Variants in CCAR1 observed in about 807,000 individuals in gnomAD.
CCAR1 encodes the protein cell division cycle and apoptosis regulator protein 1.
In CCAR1, 78 loss-of-function variants were observed where a neutral mutation model predicts 163.8. The ratio of observed to expected loss-of-function variants is 0.48; its 90% CI spans 0.40 to 0.57. CCAR1 has a LOEUF of 0.57. Ranked by LOEUF, CCAR1 falls within the 20% of genes least tolerant of loss-of-function variation. CCAR1 has a pLI of 0.00. For synonymous variants in CCAR1, 443 were observed against 460.7 expected (o/e 0.96, Z 0.49); for missense variants, 1,019 against 1,365.2 (o/e 0.75, Z 4.00).
chr10:68,766,412 A>G (rs1589179416), intron 17 of CCAR1, among the ~76,000 whole-genome samples: 1 of 152,056 alleles, frequency 6.6e-6, no homozygotes, highest in Admixed American at 6.6e-5. Flanking sequence ...CATGTTGGCC[A>G]GCCTGGTCTC....
chr10:68,757,572 C>T lies in CCAR1; in HGVS notation c.1920+195C>T, dbSNP rs184376445. Among the ~76,000 whole-genome samples, 530 of 151,992 alleles carry T rather than the reference C, an allele frequency of 3.5e-3. 2 individuals are homozygous for T. Among genetic ancestry groups the T allele is most frequent in the Non-Finnish European group, 5.2e-3 (350 of 67,958 alleles). On this transcript the variant is annotated intron_variant, in intron 15 of 24. Transcript: ENST00000265872. Reference sequence around the variant, plus strand: ...TGGGATTACAGGCACCCTGCCACCACGCCTGGCTAATTTTTCTAGTTTTAG... The same window carrying T: ...TGGGATTACAGGCACCCTGCCACCATGCCTGGCTAATTTTTCTAGTTTTAG...
intron 5 of CCAR1, among the ~76,000 whole-genome samples, chr10:68,741,346 A>G (rs1356278050): frequency 6.6e-6 from 1 of 152,184 alleles, no homozygotes; most frequent in Non-Finnish European, 1.5e-5. Context: ...TTATCTGCTT[A>G]ATTTTTCAGC....
At chr10:68,787,579 T>C (rs1404029808) in intron 21 of CCAR1, among the ~76,000 whole-genome samples, 1 of 152,178 alleles carries the variant, frequency 6.6e-6, no homozygotes, top group Non-Finnish European at 1.5e-5. Flanking sequence ...CTCACACCTG[T>C]AATCCCAGCA....
chr10:68,743,362 C>T (rs1487254998), intron 6 of CCAR1, among the ~76,000 whole-genome samples: 3 of 151,526 alleles, frequency 2.0e-5, no homozygotes, highest in African/African-American at 7.3e-5. Context: ...GACGGCCTTT[C>T]ACTATATTGG....
At chr10:68,749,291 A>T (rs372229661) in intron 9 of CCAR1, 26 bp downstream of exon 9, 24 of 1,576,986 alleles carry the variant, frequency 1.5e-5, no homozygotes, top group Non-Finnish European at 2.0e-5. Context: ...TGTACTGTGG[A>T]TGGTGGCAAT....
intron 2 of CCAR1, 61 bp downstream of exon 2, chr10:68,722,638 A>G: frequency 7.6e-7 from 1 of 1,313,140 alleles, no homozygotes; most frequent in Admixed American, 1.7e-5. Context: ...AACTACGTGA[A>G]TTAGGGCCGG....
chr10:68,791,275 A>G lies in CCAR1; in HGVS notation c.*9A>G, dbSNP rs1774153395. ...ATGGTGCCAGTGTATGATAAAATCC[A>G]TGTAGTGATGAGGAATGGTGTTAAA... On this transcript the variant is annotated 3_prime_UTR_variant, in exon 25 of 25. Transcript: ENST00000265872. The G allele has an allele frequency of 1.3e-6, 2 of 1,571,906 alleles. No individual in the cohort carries two copies. The highest frequency in any genetic ancestry group is 1.7e-6 in the Non-Finnish European group (2 of 1,148,046).
intron 2 of CCAR1, 127 bp downstream of exon 2, chr10:68,722,704 A>C (rs1438587085): frequency 1.5e-6 from 1 of 679,168 alleles, no homozygotes; most frequent in Non-Finnish European, 2.6e-6. Flanking sequence ...GAGGTGGATC[A>C]CGAGGTCAGG....
At chr10:68,732,285 T>G (rs1165974470) in intron 2 of CCAR1, among the ~76,000 whole-genome samples, 1 of 152,222 alleles carries the variant, frequency 6.6e-6, no homozygotes, top group African/African-American at 2.4e-5. Context: ...TACTTTTTCA[T>G]AGCGTCTTGT....
At chr10:68,721,724 C>T in intron 1 of CCAR1, 1 of 327,704 alleles carries the variant, frequency 3.1e-6, no homozygotes, top group Non-Finnish European at 6.2e-6. Flanking sequence ...GCGGTGGGTT[C>T]CGCCTTCCGT....
At chr10:68,776,611 T>G (rs2056670504) in intron 19 of CCAR1, among the ~76,000 whole-genome samples, 1 of 152,140 alleles carries the variant, frequency 6.6e-6, no homozygotes, top group Non-Finnish European at 1.5e-5. Context: ...TGGAGTATAG[T>G]GGTATGGTCA....
At chr10:68,725,812 C>A (rs2055935575) in intron 2 of CCAR1, among the ~76,000 whole-genome samples, 1 of 151,934 alleles carries the variant, frequency 6.6e-6, no homozygotes, top group Admixed American at 6.6e-5. Context: ...ATCTTGGTGA[C>A]CTTTCTCTTT....
chr10:68,727,231 C>G (rs139515843), intron 2 of CCAR1, among the ~76,000 whole-genome samples: 1 of 151,386 alleles, frequency 6.6e-6, no homozygotes, highest in Non-Finnish European at 1.5e-5. Context: ...CCACCACTCC[C>G]GGCTAATTTT....
At chr10:68,777,676 T>C (rs1589189372) in intron 19 of CCAR1, among the ~76,000 whole-genome samples, 1 of 140,934 alleles carries the variant, frequency 7.1e-6, no homozygotes. Context: ...AGAGCAAGAC[T>C]CCGTCTCAAA....
intron 11 of CCAR1, 95 bp downstream of exon 11, chr10:68,754,172 G>T: frequency 1.2e-6 from 1 of 829,912 alleles, no homozygotes; most frequent in Non-Finnish European, 1.9e-6. Flanking sequence ...TGTTTGTTAG[G>T]TAGACCCGAA....
chr10:68,740,073 G>A (rs1484545491), intron 4 of CCAR1, among the ~76,000 whole-genome samples: 1 of 152,102 alleles, frequency 6.6e-6, no homozygotes, highest in African/African-American at 2.4e-5. Context: ...ATTTTATTTA[G>A]GGATATATCT....
chr10:68,740,755 A>G (rs1333978967), intron 5 of CCAR1, 94 bp downstream of exon 5: 1 of 950,082 alleles, frequency 1.1e-6, no homozygotes, highest in Non-Finnish European at 1.6e-6. Context: ...GGGTTTAGTT[A>G]CTTGTTAGAT....
chr10:68,788,257 A>G lies in CCAR1; in HGVS notation c.3116A>G (p.Gln1039Arg). The stretch of plus-strand genomic sequence containing the variant: ...ATGGTAGATGTAGGAAGCCTCTTGC[A>G]AAAATTGGAAAAGAGCGAAAAAGTA... ...GAMVDVGSLL[Q>R]KLEKSEKVRA... Residue 1039 changes from glutamine to arginine, a missense_variant, in exon 23 of 25, where the codon CAA becomes CGA. By Grantham distance (43) the Gln-to-Arg change is conservative. Around this residue, in one of 4 missense-constraint regions of CCAR1, gnomAD observed 358 missense variants for 406.4 expected, o/e 0.88. Coordinates refer to ENST00000265872, the MANE Select transcript of CCAR1 (RefSeq NM_018237.4). 1 of 1,599,406 alleles carries G rather than the reference A, an allele frequency of 6.3e-7. No individual in the cohort carries two copies. Among genetic ancestry groups the G allele is most frequent in the Non-Finnish European group, 8.5e-7 (1 of 1,175,736 alleles).
intron 11 of CCAR1, 52 bp downstream of exon 11, chr10:68,754,129 A>G (rs778444098): frequency 4.1e-6 from 5 of 1,226,690 alleles, no homozygotes; most frequent in East Asian, 2.3e-5. Context: ...GTTATTCATA[A>G]TAAAAGGGTA....
Sources: gnomAD v4.1 joint callset for allele counts (sites outside exome capture counted in the v4.1 genomes callset) on GRCh38, gnomAD v4.1.1 for gene constraint, gnomAD v4.1.1 regional missense constraint, MANE v1.5 for transcripts, NCBI Gene and HGNC (gene_info 2026-07-23, HGNC 2026-07-21) for gene names.